The following TSPAN18 variants were observed in gnomAD, a reference collection of about 807,000 sequenced individuals.
TSPAN18 encodes tetraspanin 18, also known as tetraspanin-18.
Under a neutral mutation model 27.3 loss-of-function variants are expected in TSPAN18, and 14 were observed. That is an observed-to-expected ratio of 0.51 (90% CI 0.34 to 0.80). The LOEUF (loss-of-function observed/expected upper bound fraction) is 0.80. Ranked by LOEUF, TSPAN18 falls within the 30% of genes least tolerant of loss-of-function variation. The pLI, the probability that TSPAN18 is intolerant of heterozygous loss-of-function variation, is 0.01. For missense variants in TSPAN18, 268 were observed against 323.9 expected, an observed-to-expected ratio of 0.83 and a Z score of 1.32; for synonymous variants, 143 against 136.5, an observed-to-expected ratio of 1.05 and a Z score of -0.33.
chr11:44,887,836 G>A lies in TSPAN18; in HGVS notation c.-10-18571G>A, dbSNP rs1037858425. 4.6e-5 allele frequency among the ~76,000 whole-genome samples: 7 copies of A among 152,164 alleles called. No homozygotes were observed. The East Asian group carries it at 1.3e-3, about 29-fold the overall frequency. On this transcript the variant is annotated intron_variant, in intron 3 of 9. Transcript: ENST00000520358. ...CCCAGCGCTCCCCTGGCTCAGAACT[G>A]TGCCCTTTCCCTCCTAGTTCCCAGG...
At chr11:44,825,397 A>G (rs924589014) in intron 2 of TSPAN18, among the ~76,000 whole-genome samples, 1 of 152,210 alleles carries the variant, frequency 6.6e-6, no homozygotes, top group African/African-American at 2.4e-5. Flanking sequence ...AGTTCACATT[A>G]TTAGGAAATG....
At chr11:44,869,820 T>C (rs779684854) in intron 3 of TSPAN18, among the ~76,000 whole-genome samples, 1 of 152,128 alleles carries the variant, frequency 6.6e-6, no homozygotes, top group Non-Finnish European at 1.5e-5. Context: ...CTCCTCACAT[T>C]ATCAGGCTTT....
At chr11:44,881,898 C>G (rs1416657604) in intron 3 of TSPAN18, among the ~76,000 whole-genome samples, 3 of 152,186 alleles carry the variant, frequency 2.0e-5, no homozygotes, top group Admixed American at 2.0e-4. Context: ...TATAAAGGAC[C>G]TGTTTCCCAT....
chr11:44,910,061 C>G (rs568167640), intron 5 of TSPAN18, among the ~76,000 whole-genome samples, 162 bp downstream of exon 5: 1 of 152,316 alleles, frequency 6.6e-6, no homozygotes, highest in East Asian at 1.9e-4. Context: ...ACGTCTGACC[C>G]CACTCATTTG....
At chr11:44,852,601 T>G (rs887506601) in intron 2 of TSPAN18, among the ~76,000 whole-genome samples, 2 of 152,198 alleles carry the variant, frequency 1.3e-5, no homozygotes, top group Non-Finnish European at 2.9e-5. Context: ...TACATGCACA[T>G]GTGTGTGCCC....
upstream of TSPAN18, chr11:44,726,854 A>G (rs1412171186): frequency 3.0e-5 from 1 of 33,752 alleles, no homozygotes; most frequent in East Asian, 6.4e-4. Flanking sequence ...CTCGGCAGCA[A>G]CGGCGTCTGG....
chr11:44,907,960 C>T (rs1033865602), intron 4 of TSPAN18, among the ~76,000 whole-genome samples: 4 of 150,342 alleles, frequency 2.7e-5, no homozygotes, highest in African/African-American at 7.4e-5. Context: ...GAGGCTGAGG[C>T]AGGAGAATCG....
chr11:44,924,298 T>C (rs1162957100), intron 8 of TSPAN18, among the ~76,000 whole-genome samples: 1 of 152,144 alleles, frequency 6.6e-6, no homozygotes, highest in Non-Finnish European at 1.5e-5. Context: ...TTACCTTCAG[T>C]ATCTCATTTT....
chr11:44,732,687 G>A (rs1249669250), intron 1 of TSPAN18, among the ~76,000 whole-genome samples: 4 of 152,176 alleles, frequency 2.6e-5, no homozygotes, highest in African/African-American at 9.7e-5. Flanking sequence ...AGGGGTTAGA[G>A]CGGGGAATGA....
intron 2 of TSPAN18, among the ~76,000 whole-genome samples, chr11:44,800,517 C>T (rs1856456612): frequency 6.6e-6 from 1 of 152,240 alleles, no homozygotes; most frequent in Admixed American, 6.5e-5. Flanking sequence ...AACGGGCCAC[C>T]TGGCTCAGGG....
chr11:44,784,100 T>C (rs970872926), intron 2 of TSPAN18, among the ~76,000 whole-genome samples: 1 of 152,160 alleles, frequency 6.6e-6, no homozygotes, highest in African/African-American at 2.4e-5. Flanking sequence ...AAGTCATCCC[T>C]TGACTTGGGG....
chr11:44,738,864 A>G (rs1854861959), intron 1 of TSPAN18, among the ~76,000 whole-genome samples: 1 of 152,212 alleles, frequency 6.6e-6, no homozygotes, highest in Non-Finnish European at 1.5e-5. Flanking sequence ...TGAGAAAACC[A>G]GGGCACAGAG....
At chr11:44,925,663 A>G (rs1046549477) in intron 8 of TSPAN18, 1 of 152,228 alleles carries the variant, frequency 6.6e-6, no homozygotes, top group African/African-American at 2.4e-5. Context: ...CCGTCACCCA[A>G]AAAGGGCTGG....
At chr11:44,810,338 A>G (rs979700743) in intron 2 of TSPAN18, among the ~76,000 whole-genome samples, 1 of 151,868 alleles carries the variant, frequency 6.6e-6, no homozygotes, top group Non-Finnish European at 1.5e-5. Flanking sequence ...TTCCTTCTCT[A>G]TGGATTTACC....
chr11:44,851,263 G>A (rs891653343), intron 2 of TSPAN18, among the ~76,000 whole-genome samples: 4 of 152,258 alleles, frequency 2.6e-5, no homozygotes, highest in Non-Finnish European at 2.9e-5. Context: ...TGCTTCCGGC[G>A]TCACCTGCCC....
intron 5 of TSPAN18, 134 bp downstream of exon 5, chr11:44,910,033 G>A (rs1041490267): frequency 6.3e-6 from 7 of 1,110,152 alleles, no homozygotes; most frequent in African/African-American, 6.3e-5. Context: ...CAAAGCAGAA[G>A]GGATCATGGA....
At chr11:44,855,858 T>C (rs1257571293) in intron 2 of TSPAN18, among the ~76,000 whole-genome samples, 2 of 149,480 alleles carry the variant, frequency 1.3e-5, no homozygotes, top group Non-Finnish European at 3.0e-5. Flanking sequence ...TGCCTGGGCT[T>C]CTTGCTGCTT....
chr11:44,906,392 G>A lies in TSPAN18; in HGVS notation c.-10-15G>A. On this transcript the variant is annotated splice_polypyrimidine_tract_variant and intron_variant, in intron 3 of 9. Transcript: ENST00000520358. Reference sequence around the variant, plus strand: ...GTCCCCCATCGGGAAGACTGAGGTGGCCTTGTATTTCTAGGTGGAGCACCA... The same window carrying A: ...GTCCCCCATCGGGAAGACTGAGGTGACCTTGTATTTCTAGGTGGAGCACCA... 1 of 1,613,944 alleles carries A rather than the reference G, an allele frequency of 6.2e-7. No individual in the cohort carries two copies. The highest frequency in any genetic ancestry group is 1.1e-5 in the South Asian group (1 of 91,068).
At chr11:44,797,688 C>G (rs1249089153) in intron 2 of TSPAN18, among the ~76,000 whole-genome samples, 1 of 152,172 alleles carries the variant, frequency 6.6e-6, no homozygotes, top group Non-Finnish European at 1.5e-5. Context: ...AGCAAAGGCA[C>G]TGACGGGATG....
Sources: gnomAD v4.1 joint callset for allele counts (sites outside exome capture counted in the v4.1 genomes callset) on GRCh38, gnomAD v4.1.1 for gene constraint, MANE v1.5 for transcripts, NCBI Gene and HGNC (gene_info 2026-07-23, HGNC 2026-07-21) for gene names.